Variants in DIAPH3 observed in about 807,000 individuals in gnomAD.
DIAPH3 encodes the protein protein diaphanous homolog 3.
A neutral mutation model predicts 144.3 loss-of-function variants in DIAPH3; 117 were observed. The ratio of observed to expected loss-of-function variants is 0.81; its 90% CI spans 0.70 to 0.95. The LOEUF (loss-of-function observed/expected upper bound fraction) is 0.95. Ranked by LOEUF, DIAPH3 falls within the 40% of genes least tolerant of loss-of-function variation. The pLI, the probability that DIAPH3 is intolerant of heterozygous loss-of-function variation, is 0.00. For missense variants in DIAPH3, 1,421 were observed against 1,412.7 expected, an observed-to-expected ratio of 1.01 and a Z score of -0.09; for synonymous variants, 519 against 488.9, an observed-to-expected ratio of 1.06 and a Z score of -0.81.
chr13:60,139,596 G>A (rs2138296664), intron 1 of DIAPH3, among the ~76,000 whole-genome samples: 1 of 152,212 alleles, frequency 6.6e-6, no homozygotes, highest in African/African-American at 2.4e-5. Flanking sequence ...GCATTTCTCT[G>A]AGAACACAAG....
chr13:60,055,693 G>T (rs1052531394), intron 4 of DIAPH3, among the ~76,000 whole-genome samples: 1 of 151,622 alleles, frequency 6.6e-6, no homozygotes, highest in Non-Finnish European at 1.5e-5. Context: ...ACATGCCAAA[G>T]AATATCTACA....
intron 27 of DIAPH3, among the ~76,000 whole-genome samples, chr13:59,684,197 A>C (rs1250239493): frequency 6.6e-6 from 1 of 152,194 alleles, no homozygotes; most frequent in Non-Finnish European, 1.5e-5. Context: ...TATGGGATGC[A>C]AGGTTGGGAA....
At chr13:59,800,913 T>C (rs566580387) in intron 25 of DIAPH3, among the ~76,000 whole-genome samples, 1 of 152,320 alleles carries the variant, frequency 6.6e-6, no homozygotes, top group Admixed American at 6.5e-5. Context: ...CTAATAAAAG[T>C]ATCCCATGCG....
chr13:60,162,993 T>C (rs1952374804), intron 1 of DIAPH3, among the ~76,000 whole-genome samples: 3 of 152,178 alleles, frequency 2.0e-5, no homozygotes, highest in South Asian at 2.1e-4. Context: ...CTTTCACTAG[T>C]TGACACCAAC....
At chr13:60,008,686 C>CAA (rs1277750218) in intron 8 of DIAPH3, 37 bp from the exon 9 acceptor site, 2 of 1,291,762 alleles carry the variant, frequency 1.5e-6, no homozygotes, top group East Asian at 4.6e-5. Context: ...TTGCAAGTAG[C>CAA]AAACACAAAT....
rs751460645 is a variant in DIAPH3, at chr13:59,666,623, G to A, written c.3543C>T (p.Pro1181=). 2.0e-5 allele frequency: 32 copies of A among 1,613,796 alleles called. No individual in the cohort carries two copies. The highest frequency in any genetic ancestry group is 6.6e-5 in the South Asian group (6 of 91,076). Residue 1181 remains proline (P), a synonymous_variant, in exon 28 of 28, where the codon CCC becomes CCT. Coordinates refer to ENST00000400324, the MANE Select transcript of DIAPH3 (RefSeq NM_001042517.2). Reference sequence around the variant, plus strand: ...ATCTTGCCAGCAGGGCTTCAACTTCGGGAACTGATTCATTTTTAGAAAAAG... The same window carrying A: ...ATCTTGCCAGCAGGGCTTCAACTTCAGGAACTGATTCATTTTTAGAAAAAG... ...LGSFSKNESV[P]EVEALLARLR...
In DIAPH3 at chr13:60,005,217, ATATTTTGCTATTAATAAG is replaced by A. The variant is rs377342869; in HGVS notation, c.1014+3309_1014+3326del. Among the ~76,000 whole-genome samples the A allele has an allele frequency of 3.4e-3, 524 of 152,270 alleles. 12 individuals carry two copies. The East Asian group carries it at 0.046, about 13-fold the overall frequency. ...ACTCCAACATGAACGAACCTCTAAAATATTTTGCTATTAATAAGTAAAAAAAGCCAATCACAAAGATCC... is the reference window on the plus strand; with the variant it reads ...ACTCCAACATGAACGAACCTCTAAAATAAAAAAAGCCAATCACAAAGATCC... On this transcript the variant is annotated intron_variant, in intron 9 of 27. Transcript: ENST00000400324.
At chr13:59,831,147 T>C (rs181358037) in intron 24 of DIAPH3, among the ~76,000 whole-genome samples, 75 of 152,018 alleles carry the variant, frequency 4.9e-4, no homozygotes, top group Non-Finnish European at 9.6e-4. Flanking sequence ...ACATACTATA[T>C]GTAAGGCATT....
At position 60,163,851 on chromosome 13, in the gene DIAPH3, T is replaced by G; in HGVS notation, c.-85A>C. On this transcript the variant is annotated 5_prime_UTR_variant, in exon 1 of 28. Coordinates refer to ENST00000400324, the MANE Select transcript of DIAPH3 (RefSeq NM_001042517.2). Reference sequence around the variant, plus strand: ...AAGCTGAGGGATCGACAACAGGTTTTACTCCCGGGGTCCGCCACCCAAACA... The same window carrying G: ...AAGCTGAGGGATCGACAACAGGTTTGACTCCCGGGGTCCGCCACCCAAACA... 1 of 1,498,446 alleles carries G rather than the reference T, an allele frequency of 6.7e-7. No homozygotes were observed. Among genetic ancestry groups the G allele is most frequent in the Middle Eastern group, 2.3e-4 (1 of 4,306 alleles). 92.8% of individuals were successfully genotyped at this position (1,498,446 alleles called of 1,614,324 possible). A position where few individuals can be genotyped will look rare whatever the true frequency, so the allele number is the denominator to read the frequency against.
At position 59,833,121 on chromosome 13, in the gene DIAPH3, T is replaced by A; in HGVS notation, c.3013A>T (p.Arg1005Ter). 2.5e-6 allele frequency: 4 copies of A among 1,609,686 alleles called. No individual in the cohort carries two copies. The highest frequency in any genetic ancestry group is 3.4e-6 in the Non-Finnish European group (4 of 1,177,606). The change falls in exon 24 of 28, where the codon AGA (arginine) becomes TGA (stop). Residue 1005 changes from arginine to a stop codon, truncating the protein, a stop_gained. Coordinates refer to ENST00000400324, the MANE Select transcript of DIAPH3 (RefSeq NM_001042517.2). LOFTEE classifies it high-confidence loss of function. ...EDFLTDLNNFRTTFMQAIKEN... is the reference protein window; with the variant it reads ...EDFLTDLNNF Reference sequence around the variant, plus strand: ...TTTTACCATACCATGAATGTGGTTCTGAAGTTATTCAGGTCAGTAAGAAAG... The same window carrying A: ...TTTTACCATACCATGAATGTGGTTCAGAAGTTATTCAGGTCAGTAAGAAAG...
intron 14 of DIAPH3, 116 bp downstream of exon 14, chr13:59,980,679 C>T (rs946517182): frequency 2.1e-6 from 2 of 942,042 alleles, no homozygotes; most frequent in Non-Finnish European, 3.4e-6. Flanking sequence ...GGCATCTATG[C>T]ACACACCTGA....
chr13:60,080,824 TACAAGTATCTGC>T (rs981321096), intron 4 of DIAPH3, among the ~76,000 whole-genome samples: 2 of 151,976 alleles, frequency 1.3e-5, no homozygotes, highest in Admixed American at 1.3e-4. Flanking sequence ...TCCAAAGTAA[TACAAGTATCTGC>T]ACAAGGGGTC....
chr13:59,753,536 C>T (rs1406626387), intron 27 of DIAPH3, among the ~76,000 whole-genome samples: 1 of 152,178 alleles, frequency 6.6e-6, no homozygotes, highest in Non-Finnish European at 1.5e-5. Context: ...CAGATATCCT[C>T]TCGTGACACT....
intron 24 of DIAPH3, among the ~76,000 whole-genome samples, chr13:59,827,963 C>T (rs573259783): frequency 7.2e-5 from 11 of 152,066 alleles, no homozygotes; most frequent in African/African-American, 2.6e-4. Flanking sequence ...ATATCATTTG[C>T]TAATAACAAA....
At chr13:59,799,651 A>G (rs1389102992) in intron 25 of DIAPH3, among the ~76,000 whole-genome samples, 1 of 152,214 alleles carries the variant, frequency 6.6e-6, no homozygotes, top group African/African-American at 2.4e-5. Context: ...CATAAATAGA[A>G]CATGTACAGT....
chr13:59,835,052 T>C (rs2041972614), intron 23 of DIAPH3, among the ~76,000 whole-genome samples: 1 of 151,760 alleles, frequency 6.6e-6, no homozygotes, highest in South Asian at 2.1e-4. Flanking sequence ...ATATCCCACA[T>C]TTATTTTTAG....
Position 60,042,838 on chromosome 13 carries a change from A to G in DIAPH3, c.496-18T>C, listed in dbSNP as rs1027715849. 3.1e-6 allele frequency: 5 copies of G among 1,612,146 alleles called. No homozygotes were observed. The Admixed American group carries it at 6.7e-5, about 22-fold the overall frequency. ...AGACTTCCCTATAAAATAAGTCAAAAAATGTTTTGATTAATACTGCATGGA... is the reference window on the plus strand; with the variant it reads ...AGACTTCCCTATAAAATAAGTCAAAGAATGTTTTGATTAATACTGCATGGA... On this transcript the variant is annotated intron_variant, in intron 4 of 27. Coordinates refer to ENST00000400324, the MANE Select transcript of DIAPH3 (RefSeq NM_001042517.2).
chr13:60,073,530 T>C (rs2057283141), intron 4 of DIAPH3, among the ~76,000 whole-genome samples: 1 of 152,194 alleles, frequency 6.6e-6, no homozygotes, highest in Admixed American at 6.5e-5. Flanking sequence ...ACATAAATTC[T>C]TCAAATATAA....
At chr13:59,828,651 T>C (rs954483655) in intron 24 of DIAPH3, among the ~76,000 whole-genome samples, 10 of 143,398 alleles carry the variant, frequency 7.0e-5, no homozygotes, top group African/African-American at 1.0e-4. Context: ...AAAAAAACAC[T>C]GAAAGACGAG....
Sources: gnomAD v4.1 joint callset for allele counts (sites outside exome capture counted in the v4.1 genomes callset) on GRCh38, gnomAD v4.1.1 for gene constraint, MANE v1.5 for transcripts, NCBI Gene and HGNC (gene_info 2026-07-23, HGNC 2026-07-21) for gene names.